The following TTC1 variants were observed in gnomAD, a reference collection of about 807,000 sequenced individuals.
TTC1 encodes tetratricopeptide repeat protein 1.
In TTC1, 31 loss-of-function variants were observed where a neutral mutation model predicts 37.6. The ratio of observed to expected loss-of-function variants is 0.82; its 90% CI spans 0.62 to 1.11. The LOEUF is 1.11. Ranked by LOEUF, TTC1 falls within the 50% of genes most tolerant of loss-of-function variation. The pLI, the probability that TTC1 is intolerant of heterozygous loss-of-function variation, is 0.00. For synonymous variants in TTC1, 127 were observed against 122.4 expected (o/e 1.04, Z -0.25); for missense variants, 351 against 339.0 (o/e 1.04, Z -0.28).
At chr5:160,032,918 G>C (rs1561630208) in intron 2 of TTC1, among the ~76,000 whole-genome samples, 1 of 151,350 alleles carries the variant, frequency 6.6e-6, no homozygotes, top group African/African-American at 2.4e-5. Flanking sequence ...TAGAGACAGG[G>C]TTTCACTATG....
intron 2 of TTC1, among the ~76,000 whole-genome samples, chr5:160,016,712 C>A (rs1756613591): frequency 6.6e-6 from 1 of 151,982 alleles, no homozygotes; most frequent in Non-Finnish European, 1.5e-5. Flanking sequence ...TACTTTACAA[C>A]CAAACTGTGT....
At chr5:160,053,035 G>A (rs1008308743) in intron 7 of TTC1, among the ~76,000 whole-genome samples, 5 of 152,130 alleles carry the variant, frequency 3.3e-5, no homozygotes, top group Admixed American at 2.6e-4. Flanking sequence ...CCCCACAATA[G>A]ATAACCTAGA....
At chr5:160,028,365 T>G (rs1313952897) in intron 2 of TTC1, among the ~76,000 whole-genome samples, 1 of 152,158 alleles carries the variant, frequency 6.6e-6, no homozygotes, top group South Asian at 2.1e-4. Context: ...CTTCTCTTTC[T>G]TCCCTTCTTC....
In TTC1 at chr5:160,035,187, G is replaced by T; in HGVS notation, c.378G>T (p.Gln126His). The T allele has an allele frequency of 6.2e-7, 1 of 1,606,412 alleles. No homozygotes were observed. The highest frequency in any genetic ancestry group is 1.1e-5 in the South Asian group (1 of 89,234). The change falls in exon 3 of 8, where the codon CAG (glutamine) becomes CAT (histidine). Residue 126 changes from glutamine (Q) to histidine (H), a missense_variant. Gln to His is a conservative substitution (Grantham distance 24, BLOSUM62 0). Coordinates refer to ENST00000231238, the MANE Select transcript of TTC1 (RefSeq NM_003314.3). Reference protein sequence around the residue: ...STRLKEEGNEQFKKGDYIEAE... With the variant: ...STRLKEEGNEHFKKGDYIEAE... Reference sequence around the variant, plus strand: ...GACTAAAGGAGGAGGGAAATGAACAGTTTAAGAAAGGAGGTAAGACGACTT... The same window carrying T: ...GACTAAAGGAGGAGGGAAATGAACATTTTAAGAAAGGAGGTAAGACGACTT...
At chr5:160,023,686 GC>G in intron 2 of TTC1, 1 of 1,473,148 alleles carries the variant, frequency 6.8e-7, no homozygotes, top group Non-Finnish European at 9.4e-7. Context: ...AAAGCCGTGT[GC>G]ACAAGGCATG....
rs942568388 is a variant in TTC1 at position 160,009,200 on chromosome 5, A to C, written c.-30+7A>C. Reference sequence around the variant, plus strand: ...CCGGAGAAGCTGTGAGGTTGTGAGTAACCCCGTGGGTCTAAGCGTGTTGGC... The same window carrying C: ...CCGGAGAAGCTGTGAGGTTGTGAGTCACCCCGTGGGTCTAAGCGTGTTGGC... On this transcript the variant is annotated splice_region_variant and intron_variant, in intron 1 of 7. Coordinates refer to ENST00000231238, the MANE Select transcript of TTC1 (RefSeq NM_003314.3). The C allele has an allele frequency of 1.3e-5, 2 of 152,260 alleles. No homozygotes were observed. Among genetic ancestry groups the C allele is most frequent in the African/African-American group, 4.8e-5 (2 of 41,440 alleles). 9.4% of individuals were successfully genotyped at this position (152,260 alleles called of 1,614,324 possible).
At chr5:160,045,943 A>C (rs1390778721) in intron 5 of TTC1, among the ~76,000 whole-genome samples, 1 of 152,020 alleles carries the variant, frequency 6.6e-6, no homozygotes, top group African/African-American at 2.4e-5. Context: ...GGGTTTCACC[A>C]TATTGGCCAG....
At chr5:160,033,129 G>A (rs1251767479) in intron 2 of TTC1, among the ~76,000 whole-genome samples, 1 of 152,018 alleles carries the variant, frequency 6.6e-6, no homozygotes, top group Non-Finnish European at 1.5e-5. Flanking sequence ...GCTTAAGATA[G>A]TCTTTTGCTT....
intron 2 of TTC1, among the ~76,000 whole-genome samples, chr5:160,028,585 C>T (rs1282003623): frequency 6.6e-6 from 1 of 152,146 alleles, no homozygotes; most frequent in Non-Finnish European, 1.5e-5. Context: ...GCGATCCTCC[C>T]ACCTCAGCCT....
At chr5:160,032,361 G>T (rs1309524492) in intron 2 of TTC1, among the ~76,000 whole-genome samples, 2 of 152,176 alleles carry the variant, frequency 1.3e-5, no homozygotes, top group Non-Finnish European at 2.9e-5. Context: ...CCTCTCTAAA[G>T]AATTTGTTTC....
rs191816473 is a variant in TTC1, at chr5:160,028,109, C to T, written c.331-7031C>T. 1.4e-4 allele frequency among the ~76,000 whole-genome samples: 21 copies of T among 152,146 alleles called. No homozygotes were observed. In the East Asian group the frequency reaches 3.9e-3, roughly 28 times the overall value. On this transcript the variant is annotated intron_variant, in intron 2 of 7. Transcript: ENST00000231238. The stretch of plus-strand genomic sequence containing the variant: ...GGTCAGGAGATCGAGACCATCCTGG[C>T]TAACATTGTGAAACTCTGTCTCTAC...
intron 7 of TTC1, 140 bp from the exon 8 acceptor site, chr5:160,064,792 A>G (rs1357150462): frequency 7.6e-6 from 7 of 916,736 alleles, no homozygotes; most frequent in Non-Finnish European, 9.6e-6. Context: ...GGAAGCTTTC[A>G]TCATATTAAA....
At chr5:160,044,359 G>T (rs1243235611) in intron 5 of TTC1, among the ~76,000 whole-genome samples, 4 of 152,164 alleles carry the variant, frequency 2.6e-5, no homozygotes, top group Non-Finnish European at 5.9e-5. Flanking sequence ...AGAAACAAAA[G>T]AATGGCTACT....
intron 4 of TTC1, among the ~76,000 whole-genome samples, chr5:160,042,440 C>T (rs571154731): frequency 5.3e-4 from 81 of 152,218 alleles, no homozygotes; most frequent in African/African-American, 1.9e-3. Flanking sequence ...CAGTCTACCC[C>T]GCTCCTATTT....
intron 7 of TTC1, chr5:160,062,240 G>A (rs1285987889): frequency 1.3e-5 from 2 of 152,226 alleles, no homozygotes; most frequent in Non-Finnish European, 2.9e-5. Context: ...CTCGTCGGCA[G>A]TTTGAATATT....
chr5:160,060,068 C>T (rs1246611651), intron 7 of TTC1, among the ~76,000 whole-genome samples: 2 of 152,146 alleles, frequency 1.3e-5, no homozygotes, highest in Non-Finnish European at 2.9e-5. Context: ...GCCTTTTGCT[C>T]GGAGAAAAGC....
intron 7 of TTC1, among the ~76,000 whole-genome samples, chr5:160,061,040 T>C (rs1033714189): frequency 2.0e-5 from 3 of 152,258 alleles, no homozygotes; most frequent in Non-Finnish European, 4.4e-5. Flanking sequence ...AACTCAGTTC[T>C]CAAGCTGTCA....
chr5:160,048,946 G>A (rs1480860756), intron 5 of TTC1, among the ~76,000 whole-genome samples: 6 of 82,896 alleles, frequency 7.2e-5, no homozygotes, highest in Non-Finnish European at 1.2e-4. Context: ...GCGAGACTCC[G>A]TCTAAAAAAA....
chr5:160,025,800 A>G (rs952295084), intron 2 of TTC1, among the ~76,000 whole-genome samples: 1 of 152,192 alleles, frequency 6.6e-6, no homozygotes, highest in Non-Finnish European at 1.5e-5. Context: ...GATAGGGTCT[A>G]GCTTCGTTGC....
Sources: allele counts gnomAD v4.1 joint callset (sites outside exome capture counted in the v4.1 genomes callset), GRCh38; gene constraint gnomAD v4.1.1; transcripts MANE v1.5; gene names NCBI Gene and HGNC (gene_info 2026-07-23, HGNC 2026-07-21).